Variants in DCDC1 observed in about 807,000 individuals in gnomAD.
DCDC1 encodes the protein doublecortin domain-containing protein 1.
DCDC1 carries 200 observed loss-of-function variants against 178.3 expected under a neutral mutation model. The observed-to-expected ratio is 1.12, with a 90% CI of 1.00 to 1.26. DCDC1 has a LOEUF of 1.26. Among genes scored for constraint, DCDC1 ranks in the 50% most tolerant of loss-of-function variants. The pLI, the probability that DCDC1 is intolerant of heterozygous loss-of-function variation, is 0.00. For synonymous variants in DCDC1, 690 were observed against 604.8 expected, an observed-to-expected ratio of 1.14 and a Z score of -2.07; for missense variants, 1,983 against 1,749.2, an observed-to-expected ratio of 1.13 and a Z score of -2.38.
At chr11:31,305,441 C>T (rs1377944961) in intron 6 of DCDC1, among the ~76,000 whole-genome samples, 174 bp downstream of exon 6, 1 of 152,136 alleles carries the variant, frequency 6.6e-6, no homozygotes, top group African/African-American at 2.4e-5. Context: ...ATAAACGTGG[C>T]TGTCAGTGGA....
At chr11:31,266,299 T>C (rs1290223428) in intron 7 of DCDC1, among the ~76,000 whole-genome samples, 1 of 152,142 alleles carries the variant, frequency 6.6e-6, no homozygotes, top group African/African-American at 2.4e-5. Context: ...TTATTTTACA[T>C]GCAACCCTTT....
intron 9 of DCDC1, among the ~76,000 whole-genome samples, chr11:31,223,544 G>A (rs1974538650): frequency 6.6e-6 from 1 of 152,036 alleles, no homozygotes; most frequent in African/African-American, 2.4e-5. Context: ...TTTACATAAA[G>A]TACACAAATA....
chr11:31,256,808 T>C (rs1944441691), intron 8 of DCDC1, among the ~76,000 whole-genome samples: 1 of 152,142 alleles, frequency 6.6e-6, no homozygotes, highest in Non-Finnish European at 1.5e-5. Flanking sequence ...TTGAGCTTGA[T>C]GGGGCAAAGC....
intron 4 of DCDC1, among the ~76,000 whole-genome samples, chr11:31,306,722 TATGAG>T (rs1948485478): frequency 6.6e-6 from 1 of 151,870 alleles, no homozygotes; most frequent in African/African-American, 2.4e-5. Flanking sequence ...AAATTATATA[TATGAG>T]ATATGTTCTG....
chr11:31,226,708 TAAAA>T (rs35522659), intron 9 of DCDC1, among the ~76,000 whole-genome samples: 4 of 130,994 alleles, frequency 3.1e-5, no homozygotes, highest in African/African-American at 5.7e-5. Flanking sequence ...ATCTCATCTC[TAAAA>T]AAAAAAAAAA....
chr11:30,990,511 G>C (rs1369304412), intron 20 of DCDC1, among the ~76,000 whole-genome samples: 1 of 152,152 alleles, frequency 6.6e-6, no homozygotes, highest in Admixed American at 6.6e-5. Context: ...AAAAATATAA[G>C]AGACAAGATG....
At chr11:30,969,891 T>C (rs1432170710) in intron 20 of DCDC1, among the ~76,000 whole-genome samples, 2 of 152,238 alleles carry the variant, frequency 1.3e-5, no homozygotes, top group East Asian at 1.9e-4. Flanking sequence ...TAAAAGTTCA[T>C]AGAAGAGGGA....
chr11:31,142,793 G>A (rs770488260), intron 9 of DCDC1, among the ~76,000 whole-genome samples: 5 of 151,886 alleles, frequency 3.3e-5, no homozygotes, highest in African/African-American at 4.8e-5. Flanking sequence ...GCACAAGATC[G>A]GGTTTCCAGG....
At chr11:30,911,841 C>G (rs1346959090) in intron 27 of DCDC1, among the ~76,000 whole-genome samples, 1 of 152,184 alleles carries the variant, frequency 6.6e-6, no homozygotes, top group Non-Finnish European at 1.5e-5. Flanking sequence ...CTGAATGCTG[C>G]TGTGCCCAGC....
intron 38 of DCDC1, among the ~76,000 whole-genome samples, chr11:30,874,502 G>C (rs1043017173): frequency 6.6e-6 from 1 of 152,128 alleles, no homozygotes; most frequent in Non-Finnish European, 1.5e-5. Context: ...AGGCCAAGAG[G>C]CAGGGAGGAA....
intron 9 of DCDC1, among the ~76,000 whole-genome samples, chr11:31,228,962 G>A (rs1975380421): frequency 6.6e-6 from 1 of 152,016 alleles, no homozygotes; most frequent in Admixed American, 6.6e-5. Context: ...CACTACCTGG[G>A]TGATGGGATC....
chr11:30,892,691 C>A, intron 36 of DCDC1, 127 bp downstream of exon 36: 1 of 1,039,768 alleles, frequency 9.6e-7, no homozygotes, highest in Non-Finnish European at 1.4e-6. Context: ...GAGGAAAGTA[C>A]TGTTACTATT....
rs535326682 is a variant in DCDC1, at chr11:31,033,874, C to T, written c.2591+30595G>A. Among the ~76,000 whole-genome samples the T allele has an allele frequency of 1.2e-4, 16 of 137,680 alleles. 1 individual carries two copies. The highest frequency in any genetic ancestry group is 8.7e-4 in the Admixed American group (12 of 13,738). 90.3% of individuals were successfully genotyped at this position (137,680 alleles called of 152,430 possible). The stretch of plus-strand genomic sequence containing the variant: ...AATGTCTACAGGCCGGGCACAGTGG[C>T]TCATGCCTGTAATCAATCCCAGCAC... On this transcript the variant is annotated intron_variant, in intron 20 of 38. Coordinates refer to ENST00000684477, the MANE Select transcript of DCDC1 (RefSeq NM_001387274.1).
At chr11:31,185,430 A>G (rs1364356495) in intron 9 of DCDC1, among the ~76,000 whole-genome samples, 1 of 151,970 alleles carries the variant, frequency 6.6e-6, no homozygotes, top group Non-Finnish European at 1.5e-5. Flanking sequence ...TAAATAAATA[A>G]AATAAAAATA....
chr11:31,212,289 T>G (rs1339707927), intron 9 of DCDC1, among the ~76,000 whole-genome samples: 1 of 152,210 alleles, frequency 6.6e-6, no homozygotes, highest in Non-Finnish European at 1.5e-5. Flanking sequence ...GCGAAAATTT[T>G]GTTTTTCCTG....
chr11:31,212,492 G>T (rs1353549977), intron 9 of DCDC1, among the ~76,000 whole-genome samples: 3 of 151,990 alleles, frequency 2.0e-5, no homozygotes, highest in Non-Finnish European at 4.4e-5. Flanking sequence ...CAATAAGAAA[G>T]ATGAACATAG....
chr11:31,324,646 C>T (rs1949552736), intron 3 of DCDC1, among the ~76,000 whole-genome samples: 1 of 152,112 alleles, frequency 6.6e-6, no homozygotes, highest in Non-Finnish European at 1.5e-5. Flanking sequence ...TTCTCACTCC[C>T]TTCTGTCACT....
At chr11:31,238,227 C>G (rs1261064327) in intron 9 of DCDC1, among the ~76,000 whole-genome samples, 3 of 152,044 alleles carry the variant, frequency 2.0e-5, no homozygotes, top group African/African-American at 7.2e-5. Context: ...TTAACACTGC[C>G]CATCAGCCAT....
chr11:30,932,404 TAA>T (rs2134321498), intron 21 of DCDC1, among the ~76,000 whole-genome samples: 1 of 152,260 alleles, frequency 6.6e-6, no homozygotes, highest in East Asian at 1.9e-4. Flanking sequence ...ATAATGAACA[TAA>T]ACACATTTCA....
Sources: allele counts gnomAD v4.1 joint callset (sites outside exome capture counted in the v4.1 genomes callset), GRCh38; gene constraint gnomAD v4.1.1; transcripts MANE v1.5; gene names NCBI Gene and HGNC (gene_info 2026-07-23, HGNC 2026-07-21).